Variants in PDE7B observed in about 807,000 individuals in gnomAD.
PDE7B encodes 3',5'-cyclic-AMP phosphodiesterase 7B.
In PDE7B, 29 loss-of-function variants were observed where a neutral mutation model predicts 56.2. The observed-to-expected ratio is 0.52, with a 90% CI of 0.38 to 0.70. The LOEUF (loss-of-function observed/expected upper bound fraction) is 0.70, where lower values mean the gene tolerates loss of function less well. Ranked by LOEUF, PDE7B falls within the 30% of genes least tolerant of loss-of-function variation. The pLI, the probability that PDE7B is intolerant of heterozygous loss-of-function variation, is 0.00. For missense variants in PDE7B, 490 were observed against 565.0 expected (o/e 0.87, Z 1.35); for synonymous variants, 197 against 196.9 (o/e 1.00, Z 0.00).
chr6:136,016,195 T>G (rs1285015243), intron 2 of PDE7B, among the ~76,000 whole-genome samples: 1 of 152,210 alleles, frequency 6.6e-6, no homozygotes, highest in African/African-American at 2.4e-5. Context: ...TTTTCTCATC[T>G]GTGCAATAAG....
intron 2 of PDE7B, among the ~76,000 whole-genome samples, chr6:136,107,615 A>G (rs1200730623): frequency 6.6e-6 from 1 of 152,130 alleles, no homozygotes; most frequent in Non-Finnish European, 1.5e-5. Flanking sequence ...TCTGACAAGG[A>G]CACTTCGAAG....
intron 1 of PDE7B, among the ~76,000 whole-genome samples, chr6:135,900,118 A>G (rs114857939): frequency 8.3e-4 from 127 of 152,190 alleles, no homozygotes; most frequent in African/African-American, 2.9e-3. Context: ...TTTTAAAAAA[A>G]CATTATCTTT....
intron 2 of PDE7B, chr6:136,038,376 G>A: frequency 1.5e-6 from 2 of 1,291,690 alleles, no homozygotes; most frequent in South Asian, 2.4e-5. Flanking sequence ...TCCTCCCCGG[G>A]AAGCCGGCCG....
intron 6 of PDE7B, among the ~76,000 whole-genome samples, chr6:136,152,374 A>G (rs1460237202): frequency 1.3e-5 from 2 of 152,342 alleles, no homozygotes; most frequent in African/African-American, 4.8e-5. Flanking sequence ...AGTGCCCACT[A>G]TGAGCAGAGT....
chr6:135,926,914 A>C (rs1774202382), intron 1 of PDE7B, among the ~76,000 whole-genome samples: 1 of 152,180 alleles, frequency 6.6e-6, no homozygotes, highest in South Asian at 2.1e-4. Context: ...ATCTTTATGA[A>C]TTCTTTGAAT....
intron 6 of PDE7B, 40 bp from the exon 7 acceptor site, chr6:136,154,029 CTCCTAT>C (rs1778567222): frequency 7.8e-7 from 1 of 1,285,632 alleles, no homozygotes; most frequent in Non-Finnish European, 1.1e-6. Flanking sequence ...TAGTATACCA[CTCCTAT>C]TTGGGTTTTA....
chr6:136,121,450 G>C (rs1777932152), intron 3 of PDE7B, among the ~76,000 whole-genome samples: 1 of 152,050 alleles, frequency 6.6e-6, no homozygotes, highest in Non-Finnish European at 1.5e-5. Flanking sequence ...TCTTGGAAAA[G>C]ACCAGAAAGC....
At chr6:136,102,774 A>C (rs1337915610) in intron 2 of PDE7B, among the ~76,000 whole-genome samples, 1 of 152,184 alleles carries the variant, frequency 6.6e-6, no homozygotes, top group Non-Finnish European at 1.5e-5. Context: ...TCTTGTTGAC[A>C]CTAGTCTAAA....
At chr6:136,181,833 A>G (rs1043258213) in intron 11 of PDE7B, among the ~76,000 whole-genome samples, 1 of 152,224 alleles carries the variant, frequency 6.6e-6, no homozygotes, top group Non-Finnish European at 1.5e-5. Flanking sequence ...TATAGTTTCA[A>G]CAGTGAGGTA....
intron 8 of PDE7B, among the ~76,000 whole-genome samples, chr6:136,164,053 C>A (rs1484776103): frequency 1.3e-5 from 2 of 152,162 alleles, no homozygotes; most frequent in African/African-American, 2.4e-5. Context: ...TATGGCAGCA[C>A]CCAAATCTCA....
chr6:135,998,600 C>CA (rs1775608558), intron 2 of PDE7B, among the ~76,000 whole-genome samples: 1 of 151,346 alleles, frequency 6.6e-6, no homozygotes, highest in Admixed American at 6.6e-5. Flanking sequence ...ACTAAAAATA[C>CA]AAAAAATTAG....
Position 136,005,262 on chromosome 6 carries a change from C to T in PDE7B, c.82+57738C>T, listed in dbSNP as rs1459141644. 1.2e-4 allele frequency among the ~76,000 whole-genome samples: 19 copies of T among 152,280 alleles called. No homozygotes were observed. The South Asian group carries it at 3.9e-3, about 32-fold the overall frequency. On this transcript the variant is annotated intron_variant, in intron 2 of 12. Transcript: ENST00000308191. The stretch of plus-strand genomic sequence containing the variant: ...AAACCGTAAAAACCGTAGAAGAAAA[C>T]CTAGGCATTACCATTCAGGACATAG...
chr6:136,113,270 C>G (rs892681236), intron 3 of PDE7B, among the ~76,000 whole-genome samples: 2 of 151,908 alleles, frequency 1.3e-5, no homozygotes, highest in African/African-American at 4.8e-5. Flanking sequence ...TGTTGTATAC[C>G]ATAAATATGT....
intron 1 of PDE7B, among the ~76,000 whole-genome samples, chr6:135,857,229 G>A (rs1366200058): frequency 6.6e-6 from 1 of 151,928 alleles, no homozygotes; most frequent in Non-Finnish European, 1.5e-5. Flanking sequence ...CTAGTGGTTG[G>A]TGAATTCATA....
intron 9 of PDE7B, among the ~76,000 whole-genome samples, chr6:136,178,540 T>C (rs929954364): frequency 6.6e-6 from 1 of 152,224 alleles, no homozygotes; most frequent in Admixed American, 6.5e-5. Flanking sequence ...TGTGTTCCGT[T>C]GATGGATCTT....
chr6:136,158,778 A>G (rs965863407), intron 8 of PDE7B, among the ~76,000 whole-genome samples: 2 of 152,198 alleles, frequency 1.3e-5, no homozygotes, highest in African/African-American at 2.4e-5. Context: ...CCAGGTGTCC[A>G]GGGTGGACTG....
At position 136,086,943 on chromosome 6, in the gene PDE7B, C is replaced by T. The variant is rs116237523; in HGVS notation, c.83-21788C>T. 9.3e-3 allele frequency among the ~76,000 whole-genome samples: 1,417 copies of T among 152,228 alleles called. 30 individuals are homozygous for T. The highest frequency in any genetic ancestry group is 0.031 in the African/African-American group (1,283 of 41,536). On this transcript the variant is annotated intron_variant, in intron 2 of 12. Transcript: ENST00000308191. The stretch of plus-strand genomic sequence containing the variant: ...CAATCACCACACAAACTGTGGGCAT[C>T]GTGCGCCAGATTCTGGGGGAGAGAG...
chr6:136,130,394 T>C (rs374986871), intron 3 of PDE7B, among the ~76,000 whole-genome samples: 3 of 152,250 alleles, frequency 2.0e-5, no homozygotes, highest in South Asian at 4.1e-4. Context: ...CCTACATATA[T>C]ACCAGGTGCC....
intron 4 of PDE7B, among the ~76,000 whole-genome samples, chr6:136,148,392 AAAGG>A (rs1218479583): frequency 2.8e-5 from 4 of 143,006 alleles, no homozygotes; most frequent in African/African-American, 1.1e-4. Flanking sequence ...AGAAAGAAGG[AAAGG>A]AAAGAAAGAA....
Sources: allele counts gnomAD v4.1 joint callset (sites outside exome capture counted in the v4.1 genomes callset), GRCh38; gene constraint gnomAD v4.1.1; transcripts MANE v1.5; gene names NCBI Gene and HGNC (gene_info 2026-07-23, HGNC 2026-07-21).